The following NLGN1 variants were observed in gnomAD, a reference collection of about 807,000 sequenced individuals.
NLGN1 encodes the protein neuroligin 1.
NLGN1 carries 12 observed loss-of-function variants against 65.5 expected under a neutral mutation model. The ratio of observed to expected loss-of-function variants is 0.18; its 90% confidence interval spans 0.12 to 0.30. NLGN1 has a LOEUF of 0.30. NLGN1 is among the 10% of genes least tolerant of loss of function. The probability of loss-of-function intolerance (pLI) is 1.00; values close to 1 mark genes in which losing one functional copy is unlikely to be tolerated. For synonymous variants in NLGN1, 350 were observed against 359.5 expected, an observed-to-expected ratio of 0.97 and a Z score of 0.30; for missense variants, 750 against 1,007.1, an observed-to-expected ratio of 0.74 and a Z score of 3.46.
chr3:173,965,397 A>G (rs1371813857), intron 4 of NLGN1, among the ~76,000 whole-genome samples: 1 of 151,814 alleles, frequency 6.6e-6, no homozygotes, highest in African/African-American at 2.4e-5. Flanking sequence ...GGCTCACTGC[A>G]GGCTCCACCT....
At chr3:173,860,995 A>G (rs976391587) in intron 4 of NLGN1, among the ~76,000 whole-genome samples, 1 of 152,134 alleles carries the variant, frequency 6.6e-6, no homozygotes, top group African/African-American at 2.4e-5. Context: ...GACAAACAAG[A>G]AATCTTTTAG....
intron 4 of NLGN1, among the ~76,000 whole-genome samples, chr3:174,105,145 G>C (rs1576895407): frequency 6.6e-6 from 1 of 152,056 alleles, no homozygotes; most frequent in Non-Finnish European, 1.5e-5. Flanking sequence ...GGGAGACAAA[G>C]AAGTAGAATA....
At chr3:173,489,623 T>C (rs1728768529) in intron 2 of NLGN1, among the ~76,000 whole-genome samples, 1 of 152,132 alleles carries the variant, frequency 6.6e-6, no homozygotes, top group Admixed American at 6.5e-5. Context: ...CTGGGTCAAA[T>C]GGTATTTCTA....
At chr3:173,414,831 G>A (rs73178886) in intron 1 of NLGN1, among the ~76,000 whole-genome samples, 5 of 152,158 alleles carry the variant, frequency 3.3e-5, no homozygotes, top group African/African-American at 9.7e-5. Flanking sequence ...GCCCAAGAGG[G>A]TGTGCAGCCT....
chr3:173,994,973 AT>A (rs1721965321), intron 4 of NLGN1, among the ~76,000 whole-genome samples: 1 of 152,194 alleles, frequency 6.6e-6, no homozygotes, highest in African/African-American at 2.4e-5. Flanking sequence ...TATAAAAAAA[AT>A]GGTTGTCAGT....
At position 174,029,459 on chromosome 3, in the gene NLGN1, C is replaced by A. The variant is rs947471078; in HGVS notation, c.646+221627C>A. ...TGGAATGGGTGTATTTACCCAATGC[C>A]TGTACCCCCATTGCATCTAGGAAGT... On this transcript the variant is annotated intron_variant, in intron 4 of 6. Transcript: ENST00000457714. Among the ~76,000 whole-genome samples, 67 of 152,204 alleles carry A rather than the reference C, an allele frequency of 4.4e-4. 1 individual carries two copies. The highest frequency in any genetic ancestry group is 1.5e-3 in the African/African-American group (63 of 41,452).
intron 4 of NLGN1, among the ~76,000 whole-genome samples, chr3:173,956,927 T>C (rs1712210787): frequency 6.6e-6 from 1 of 152,148 alleles, no homozygotes; most frequent in African/African-American, 2.4e-5. Flanking sequence ...TTTTCTTTTC[T>C]TCAGAGAACT....
At chr3:173,641,453 C>T (rs141985692) in intron 3 of NLGN1, among the ~76,000 whole-genome samples, 3,690 of 152,218 alleles carry the variant, frequency 0.024, 151 homozygotes, top group African/African-American at 0.083. Context: ...TGTGCCACCA[C>T]GCCCAGCTAA....
chr3:173,559,211 C>T (rs1382669002), intron 2 of NLGN1, among the ~76,000 whole-genome samples: 2 of 152,132 alleles, frequency 1.3e-5, no homozygotes, highest in African/African-American at 2.4e-5. Flanking sequence ...TTTTCGGCCC[C>T]TTTTCCACTA....
intron 4 of NLGN1, among the ~76,000 whole-genome samples, chr3:174,194,442 C>T (rs929160330): frequency 2.0e-5 from 3 of 148,872 alleles, no homozygotes; most frequent in Non-Finnish European, 4.5e-5. Flanking sequence ...AGCTAGACTC[C>T]GTCTCAAAAA....
chr3:173,404,335 T>A (rs1275834473), intron 1 of NLGN1, among the ~76,000 whole-genome samples: 1 of 152,154 alleles, frequency 6.6e-6, no homozygotes, highest in Admixed American at 6.5e-5. Context: ...TCTTCTTGGC[T>A]TACCTTCAGT....
chr3:173,941,241 A>G (rs554686663), intron 4 of NLGN1, among the ~76,000 whole-genome samples: 180 of 152,102 alleles, frequency 1.2e-3, no homozygotes, highest in African/African-American at 3.9e-3. Context: ...CTGAAATTAA[A>G]TCTTCTGCTT....
At chr3:173,514,523 T>C (rs1437657144) in intron 2 of NLGN1, among the ~76,000 whole-genome samples, 2 of 151,950 alleles carry the variant, frequency 1.3e-5, no homozygotes, top group Non-Finnish European at 2.9e-5. Context: ...CCACTTAGCA[T>C]CAGATCTACC....
chr3:174,013,815 C>A (rs926142710), intron 4 of NLGN1, among the ~76,000 whole-genome samples: 8 of 152,142 alleles, frequency 5.3e-5, no homozygotes, highest in African/African-American at 1.9e-4. Flanking sequence ...ATGCTGGGCT[C>A]ACTCACTCCT....
chr3:173,877,725 A>G (rs1323481667), intron 4 of NLGN1, among the ~76,000 whole-genome samples: 1 of 152,218 alleles, frequency 6.6e-6, no homozygotes, highest in Non-Finnish European at 1.5e-5. Context: ...AAAAGCTCTT[A>G]TAATAAAATG....
At chr3:173,926,136 C>CT (rs1048745407) in intron 4 of NLGN1, among the ~76,000 whole-genome samples, 2 of 151,556 alleles carry the variant, frequency 1.3e-5, no homozygotes, top group African/African-American at 4.8e-5. Context: ...TTTTAAAATA[C>CT]TTTTTTATTA....
chr3:173,662,914 A>G (rs2149698268), intron 3 of NLGN1, among the ~76,000 whole-genome samples: 1 of 152,124 alleles, frequency 6.6e-6, no homozygotes, highest in East Asian at 1.9e-4. Context: ...TCCTAAACTA[A>G]CTATGCACAT....
chr3:174,187,622 C>G (rs910724739), intron 4 of NLGN1, among the ~76,000 whole-genome samples: 1 of 151,994 alleles, frequency 6.6e-6, no homozygotes, highest in African/African-American at 2.4e-5. Flanking sequence ...AGAGTATCAA[C>G]TATCCACAAT....
At chr3:173,996,959 C>A in intron 4 of NLGN1, among the ~76,000 whole-genome samples, 1 of 151,922 alleles carries the variant, frequency 6.6e-6, no homozygotes, top group East Asian at 1.9e-4. Context: ...ATATAAATCC[C>A]AAATCTATAC....
Sources: allele counts gnomAD v4.1 joint callset (sites outside exome capture counted in the v4.1 genomes callset), GRCh38; gene constraint gnomAD v4.1.1; transcripts MANE v1.5; gene names NCBI Gene and HGNC (gene_info 2026-07-23, HGNC 2026-07-21).